The following TMEM220 variants were observed in gnomAD, a reference collection of about 807,000 sequenced individuals.
TMEM220 encodes the protein transmembrane protein 220.
In TMEM220, 21 loss-of-function variants were observed where a neutral mutation model predicts 21.7. That is an observed-to-expected ratio of 0.97 (90% CI 0.69 to 1.39). The LOEUF (loss-of-function observed/expected upper bound fraction) is 1.39, where lower values mean the gene tolerates loss of function less well. Among genes scored for constraint, TMEM220 ranks in the 40% most tolerant of loss-of-function variants. TMEM220 has a pLI of 0.00. For synonymous variants in TMEM220, 80 were observed against 73.6 expected (o/e 1.09, Z -0.45); for missense variants, 191 against 201.9 (o/e 0.95, Z 0.33).
At chr17:10,728,300 C>CA (rs2075074204) in intron 2 of TMEM220, among the ~76,000 whole-genome samples, 1 of 136,354 alleles carries the variant, frequency 7.3e-6, no homozygotes. Context: ...TTTTTTTTTT[C>CA]TTTTTTTTCT....
chr17:10,728,476 A>G (rs1406519080), intron 2 of TMEM220, among the ~76,000 whole-genome samples: 2 of 151,820 alleles, frequency 1.3e-5, no homozygotes, highest in Non-Finnish European at 2.9e-5. Flanking sequence ...CGCCTGGCTA[A>G]TTTTTGTATT....
chr17:10,711,227 T>A, downstream of TMEM220: 2 of 1,089,460 alleles, frequency 1.8e-6, no homozygotes, highest in Non-Finnish European at 2.6e-6. Flanking sequence ...TGTCTCATTG[T>A]TTAGTATTCA....
chr17:10,711,825 C>G (rs984453178), downstream of TMEM220, among the ~76,000 whole-genome samples: 3 of 152,194 alleles, frequency 2.0e-5, no homozygotes, highest in Non-Finnish European at 4.4e-5. Context: ...ACTAATGGGA[C>G]ATGTTTAACA....
chr17:10,726,462 T>C, intron 2 of TMEM220, 198 bp from the exon 3 acceptor site: 1 of 609,004 alleles, frequency 1.6e-6, no homozygotes, highest in Non-Finnish European at 3.0e-6. Flanking sequence ...CAATTTTATC[T>C]ACCTTCCTCC....
chr17:10,712,270 A>C (rs2074859038), downstream of TMEM220, among the ~76,000 whole-genome samples: 2 of 152,200 alleles, frequency 1.3e-5, no homozygotes, highest in Non-Finnish European at 1.5e-5. Flanking sequence ...GTCGTATCAT[A>C]TTCTCTGCTG....
At chr17:10,719,679 CCTAA>C (rs2074965575) in intron 5 of TMEM220, among the ~76,000 whole-genome samples, 1 of 152,110 alleles carries the variant, frequency 6.6e-6, no homozygotes, top group Admixed American at 6.5e-5. Flanking sequence ...AGAAGGTTTT[CCTAA>C]CTATGACTCC....
At chr17:10,717,924 G>A (rs1020020118) in intron 5 of TMEM220, among the ~76,000 whole-genome samples, 18 of 151,838 alleles carry the variant, frequency 1.2e-4, no homozygotes, top group African/African-American at 3.1e-4. Context: ...GGGTTCAAGC[G>A]ATTCTCCTGC....
At chr17:10,721,611 AAAAAAAAAGAAAAAAAG>A (rs2074990531) in intron 5 of TMEM220, among the ~76,000 whole-genome samples, 2 of 135,486 alleles carry the variant, frequency 1.5e-5, no homozygotes, top group African/African-American at 6.1e-5. Flanking sequence ...TCTCAAAAAA[AAAAAAAAAGAAAAAAAG>A]AAAAAAAAGA....
chr17:10,720,889 G>A (rs2074980439), intron 5 of TMEM220, among the ~76,000 whole-genome samples: 1 of 152,058 alleles, frequency 6.6e-6, no homozygotes, highest in African/African-American at 2.4e-5. Context: ...ATTATGTTGA[G>A]GTCACTGAGA....
intron 5 of TMEM220, among the ~76,000 whole-genome samples, chr17:10,722,827 C>T (rs761469087): frequency 1.3e-5 from 2 of 152,128 alleles, no homozygotes; most frequent in Non-Finnish European, 2.9e-5. Context: ...TAGAAAACTA[C>T]GGTTTTTGTG....
chr17:10,727,471 G>C (rs1350932632), intron 2 of TMEM220, among the ~76,000 whole-genome samples: 1 of 152,292 alleles, frequency 6.6e-6, no homozygotes, highest in Non-Finnish European at 1.5e-5. Flanking sequence ...AAAGATGCTA[G>C]GTAGGTCCTT....
At chr17:10,720,644 A>G (rs929983274) in intron 5 of TMEM220, among the ~76,000 whole-genome samples, 21 of 152,232 alleles carry the variant, frequency 1.4e-4, no homozygotes, top group African/African-American at 4.8e-4. Flanking sequence ...GATATTTTAC[A>G]TAATTATAAA....
chr17:10,727,934 G>A lies in TMEM220; in HGVS notation c.102+1097C>T, dbSNP rs189191677. ...CCAGCACTTTGGGAGGCTGAGGCAG[G>A]TGGATCACCTGAGGTCGAGAGTTCA... On this transcript the variant is annotated intron_variant, in intron 2 of 5. Transcript: ENST00000341871. Among the ~76,000 whole-genome samples the A allele has an allele frequency of 1.2e-3, 187 of 152,272 alleles. 2 individuals are homozygous for A. Among genetic ancestry groups the A allele is most frequent in the African/African-American group, 4.0e-3 (166 of 41,558 alleles).
In TMEM220 at chr17:10,715,195, T is replaced by C. The variant is rs2074896523; in HGVS notation, c.*258A>G. ...TTACAAAGTTAAGTTAGAACTCGTA[T>C]TTTTAAACTTCTATTCTCTAGCCTT... On this transcript the variant is annotated 3_prime_UTR_variant, in exon 6 of 6. Transcript: ENST00000341871. 1 of 280,808 alleles carries C rather than the reference T, an allele frequency of 3.6e-6. No homozygotes were observed. The highest frequency in any genetic ancestry group is 6.6e-6 in the Non-Finnish European group (1 of 152,038). The allele number at this position is 280,808 out of a possible 1,614,324, so 17.4% of individuals were successfully genotyped here. A position where few individuals can be genotyped will look rare whatever the true frequency, so the allele number is the denominator to read the frequency against.
chr17:10,725,077 G>A lies in TMEM220; in HGVS notation c.221C>T (p.Ala74Val). The A allele has an allele frequency of 6.2e-7, 1 of 1,614,088 alleles. No individual in the cohort carries two copies. ...AIHILFCTVW[A>V]VGLASYLLHR... The stretch of plus-strand genomic sequence containing the variant: ...CAAGAGGTAGGACGCCAAGCCAACA[G>A]CCCACACCGTACAAAAGAGTATGTG... The change falls in exon 4 of 6, where the codon GCT becomes GTT. Residue 74 changes from alanine (A) to valine (V), a missense_variant. Physicochemically the swap from Ala to Val is moderately conservative, Grantham distance 64. Transcript: ENST00000341871.
intron 2 of TMEM220, among the ~76,000 whole-genome samples, chr17:10,727,969 T>C (rs2075067011): frequency 6.6e-6 from 1 of 152,122 alleles, no homozygotes; most frequent in African/African-American, 2.4e-5. Context: ...AAGACCAGCT[T>C]GACCAACATG....
chr17:10,724,693 C>T (rs945856889), intron 4 of TMEM220, among the ~76,000 whole-genome samples: 3 of 151,968 alleles, frequency 2.0e-5, no homozygotes, highest in Non-Finnish European at 4.4e-5. Flanking sequence ...CATATTAGAT[C>T]GGACTGAGTA....
At chr17:10,728,625 T>TAAGTCA (rs2075081445) in intron 2 of TMEM220, among the ~76,000 whole-genome samples, 1 of 152,194 alleles carries the variant, frequency 6.6e-6, no homozygotes, top group African/African-American at 2.4e-5. Flanking sequence ...GTTAATACTT[T>TAAGTCA]CTAGAAATAT....
intron 3 of TMEM220, 38 bp downstream of exon 3, chr17:10,726,166 G>A (rs1294545221): frequency 6.4e-7 from 1 of 1,565,084 alleles, no homozygotes. Flanking sequence ...GAGGAAATCT[G>A]ATTTGCTGTC....
Sources: gnomAD v4.1 joint callset for allele counts (sites outside exome capture counted in the v4.1 genomes callset) on GRCh38, gnomAD v4.1.1 for gene constraint, MANE v1.5 for transcripts, NCBI Gene and HGNC (gene_info 2026-07-23, HGNC 2026-07-21) for gene names.